USF3: variants seen among roughly 807,000 people sequenced by gnomAD.
The protein encoded by USF3 is upstream transcription factor family member 3.
Under a neutral mutation model 157.5 loss-of-function variants are expected in USF3, and 29 were observed. That is an observed-to-expected ratio of 0.18 (90% CI 0.14 to 0.25). USF3 has a LOEUF of 0.25. Among genes scored for constraint, USF3 ranks in the 10% least tolerant of loss-of-function variants. The pLI is 1.00. For missense variants in USF3, 2,381 were observed against 2,667.6 expected (o/e 0.89, Z 2.37); for synonymous variants, 893 against 941.4 (o/e 0.95, Z 0.94).
At chr3:113,681,653 C>T (rs1226752153) in intron 1 of USF3, among the ~76,000 whole-genome samples, 2 of 146,928 alleles carry the variant, frequency 1.4e-5, no homozygotes, top group African/African-American at 2.5e-5. Context: ...CCGCCTGCTT[C>T]GGCCTCCCAA....
intron 2 of USF3, among the ~76,000 whole-genome samples, chr3:113,676,795 C>T (rs966282559): frequency 1.3e-5 from 2 of 152,082 alleles, no homozygotes; most frequent in Non-Finnish European, 2.9e-5. Flanking sequence ...TCTGTTTCTG[C>T]CACTTCCTAG....
At position 113,655,245 on chromosome 3, in the gene USF3, C is replaced by T; in HGVS notation, c.6437G>A (p.Gly2146Glu). 6.2e-7 allele frequency: 1 copy of T among 1,614,128 alleles called. No homozygotes were observed. The highest frequency in any genetic ancestry group is 1.7e-5 in the Admixed American group (1 of 60,018). ...SNPSTEKVNSGSLNNRFGSIL... is the reference protein window; with the variant it reads ...SNPSTEKVNSESLNNRFGSIL... ...TGATCCAAATCGGTTATTTAAACTT[C>T]CACTGTTTACCTTCTCTGTGCTAGG... Residue 2146 changes from glycine to glutamate, a missense_variant, in exon 7 of 7, where the codon GGA (glycine) becomes GAA (glutamate). By Grantham distance (98) the Gly-to-Glu change is moderately conservative. This residue lies in a region of USF3 where 770 missense variants were observed against 824.2 expected (regional missense o/e 0.93). Transcript: ENST00000316407.
chr3:113,692,127 C>T (rs927353308), intron 1 of USF3, among the ~76,000 whole-genome samples: 3 of 152,110 alleles, frequency 2.0e-5, no homozygotes, highest in Non-Finnish European at 4.4e-5. Context: ...CTAATGCTGC[C>T]GCTGATCTGA....
chr3:113,676,892 T>G (rs990266011), intron 2 of USF3, among the ~76,000 whole-genome samples: 6 of 152,234 alleles, frequency 3.9e-5, no homozygotes, highest in African/African-American at 1.4e-4. Context: ...ATTACATTAT[T>G]GGATTGTTCC....
At position 113,668,462 on chromosome 3, in the gene USF3, C is replaced by CA. The variant is rs1250260399; in HGVS notation, c.159+1658dup. ...AATGAAAAAATTAATAGCTATCCCA[C>CA]AAAAAAAAAAAAAAGACAAATACTG... On this transcript the variant is annotated intron_variant, in intron 5 of 6. Transcript: ENST00000316407. 4.3e-3 allele frequency among the ~76,000 whole-genome samples: 538 copies of CA among 123,680 alleles called. 2 individuals are homozygous for CA. The highest frequency in any genetic ancestry group is 0.013 in the South Asian group (51 of 3,970). The allele number at this position is 123,680 out of a possible 152,430, so 81.1% of individuals were successfully genotyped here. A position where few individuals can be genotyped will look rare whatever the true frequency, so the allele number is the denominator to read the frequency against.
intron 4 of USF3, among the ~76,000 whole-genome samples, chr3:113,670,907 ATT>A (rs906014649): frequency 1.1e-4 from 16 of 150,248 alleles, no homozygotes; most frequent in African/African-American, 3.4e-4. Flanking sequence ...ATGCCCAACT[ATT>A]TTTTTTTGTA....
chr3:113,693,377 A>G (rs1707729873), intron 1 of USF3, among the ~76,000 whole-genome samples: 1 of 152,218 alleles, frequency 6.6e-6, no homozygotes, highest in African/African-American at 2.4e-5. Flanking sequence ...TACTTATGGC[A>G]GTGTGCTAAG....
rs1947350955 is a variant in USF3 at position 113,656,022 on chromosome 3, T to A, written c.5660A>T (p.Asn1887Ile). ...AATATTCAAGGTGCTGTTCCTGGTG[T>A]TAATTGCACCTAACGACATGTCACA... ...ESCDMSLGAINTRNSTLNIPF... is the reference protein window; with the variant it reads ...ESCDMSLGAIITRNSTLNIPF... The change falls in exon 7 of 7, where the codon AAC becomes ATC. Residue 1887 changes from asparagine to isoleucine, a missense_variant. Asn to Ile is a moderately radical substitution (Grantham distance 149, BLOSUM62 -3). Transcript: ENST00000316407. The A allele has an allele frequency of 6.2e-7, 1 of 1,614,212 alleles. No homozygotes were observed. Among genetic ancestry groups the A allele is most frequent in the Non-Finnish European group, 8.5e-7 (1 of 1,180,024 alleles).
chr3:113,679,041 C>CTCTCTCTCTCT (rs71134902), intron 1 of USF3, among the ~76,000 whole-genome samples: 2 of 151,526 alleles, frequency 1.3e-5, no homozygotes, highest in Non-Finnish European at 2.9e-5. Context: ...CTCTCTCTCT[C>CTCTCTCTCTCT]CAACTCCTGG....
rs751307151 is a variant in USF3 at position 113,653,548 on chromosome 3, A to T, written c.*1396T>A. On this transcript the variant is annotated 3_prime_UTR_variant, in exon 7 of 7. Transcript: ENST00000316407. The stretch of plus-strand genomic sequence containing the variant: ...AACCCGGGAGGTGGAGCTTGCAGTG[A>T]GCTGAGATCACGCCACTGCACTCCA... The T allele has an allele frequency of 3.4e-5, 5 of 147,756 alleles. No individual in the cohort carries two copies. The highest frequency in any genetic ancestry group is 5.9e-5 in the Non-Finnish European group (4 of 67,240). 9.2% of individuals were successfully genotyped at this position (147,756 alleles called of 1,614,324 possible). A position where few individuals can be genotyped will look rare whatever the true frequency, so the allele number is the denominator to read the frequency against.
In USF3 at chr3:113,660,191, T is replaced by G; in HGVS notation, c.1491A>C (p.Thr497=). ...TAGGTAAAGATGGACAAGAAGGCAA[T>G]GTTACAACTACTTGCTCAACTGGCT... ...DGQPVEQVVV[T]LPSCPSLPMQ... The change falls in exon 7 of 7, where the codon ACA becomes ACC. Residue 497 remains threonine, a synonymous_variant. Transcript: ENST00000316407. The G allele has an allele frequency of 1.2e-6, 2 of 1,614,170 alleles. No homozygotes were observed. The highest frequency in any genetic ancestry group is 1.7e-6 in the Non-Finnish European group (2 of 1,180,026).
chr3:113,657,629 G>A lies in USF3; in HGVS notation c.4053C>T (p.Pro1351=), dbSNP rs752645271. The change falls in exon 7 of 7, where the codon CCC becomes CCT. Residue 1351 remains proline (P), a synonymous_variant. Transcript: ENST00000316407. ...TCAGGGACATACTTTCAAGCCTGAGGGGGGCTGGCTGACAGTGCTTTTGAC... is the reference window on the plus strand; with the variant it reads ...TCAGGGACATACTTTCAAGCCTGAGAGGGGCTGGCTGACAGTGCTTTTGAC... ...AKRQKHCQPA[P]LRLESMSLMS... 5 of 1,614,192 alleles carry A rather than the reference G, an allele frequency of 3.1e-6. No individual in the cohort carries two copies. The South Asian group carries it at 4.4e-5, about 14-fold the overall frequency.
rs1329065947 is a variant in USF3, at chr3:113,661,100, A to G, written c.582T>C (p.Thr194=). The change falls in exon 7 of 7, where the codon ACT becomes ACC. Residue 194 remains threonine, a synonymous_variant. Transcript: ENST00000316407. ...GGTAAACTCCAGAAATAGATACAGG[A>G]GTCACAAGATTGCAAGTCCTCTGTA... The part of the protein sequence containing the change: ...VPVQRTCNLV[T]PVSISGVYPS... The G allele has an allele frequency of 3.1e-6, 5 of 1,614,202 alleles. No homozygotes were observed. The highest frequency in any genetic ancestry group is 3.4e-6 in the Non-Finnish European group (4 of 1,180,034).
rs773766557 is a variant in USF3 at position 113,660,651 on chromosome 3, C to T, written c.1031G>A (p.Cys344Tyr). The T allele has an allele frequency of 1.9e-6, 3 of 1,614,190 alleles. No individual in the cohort carries two copies. The highest frequency in any genetic ancestry group is 2.2e-5 in the South Asian group (2 of 91,084). ...TFVVSVTTTVCSQPPRTAGDS... is the reference protein window; with the variant it reads ...TFVVSVTTTVYSQPPRTAGDS... ...ACCTGCAGTTCTGGGAGGCTGCGAG[C>T]AGACTGTGGTGGTAACTGAAACAAC... The change falls in exon 7 of 7, where the codon TGC (cysteine) becomes TAC (tyrosine). Residue 344 changes from cysteine (C) to tyrosine (Y), a missense_variant. Coordinates refer to ENST00000316407, the MANE Select transcript of USF3 (RefSeq NM_001009899.4).
intron 1 of USF3, among the ~76,000 whole-genome samples, chr3:113,687,317 C>T (rs1405417417): frequency 2.0e-5 from 3 of 152,024 alleles, no homozygotes; most frequent in East Asian, 1.9e-4. Flanking sequence ...ACTCCAGGCT[C>T]ATCTTGTGTT....
At chr3:113,682,354 A>C (rs116183025) in intron 1 of USF3, among the ~76,000 whole-genome samples, 2,149 of 151,904 alleles carry the variant, frequency 0.014, 24 homozygotes, top group Middle Eastern at 0.037. Context: ...AACAAACAAA[A>C]AAAAAAAACA....
At chr3:113,693,341 T>C (rs1707728735) in intron 1 of USF3, among the ~76,000 whole-genome samples, 1 of 152,112 alleles carries the variant, frequency 6.6e-6, no homozygotes, top group Non-Finnish European at 1.5e-5. Flanking sequence ...TGGTTAGCAG[T>C]ATGGTGGGGA....
In USF3 at chr3:113,654,765, GT is replaced by G. The variant is rs1947322664; in HGVS notation, c.*178del. On this transcript the variant is annotated 3_prime_UTR_variant, in exon 7 of 7. Transcript: ENST00000316407. ...TGCAGTTGAAAACGAAAGATAACTT[GT>G]TTTCTGACAACCCAGTATCTGCATC... The G allele has an allele frequency of 1.7e-6, 1 of 599,280 alleles. No individual in the cohort carries two copies. Among genetic ancestry groups the G allele is most frequent in the Admixed American group, 3.5e-5 (1 of 28,342 alleles). The allele number at this position is 599,280 out of a possible 1,614,324, so 37.1% of individuals were successfully genotyped here.
intron 1 of USF3, among the ~76,000 whole-genome samples, chr3:113,680,944 G>A (rs1025553349): frequency 6.6e-6 from 1 of 151,684 alleles, no homozygotes; most frequent in Admixed American, 6.6e-5. Context: ...TTCTTAAGAT[G>A]TACTGTTAGG....
Sources: gnomAD v4.1 joint callset for allele counts (sites outside exome capture counted in the v4.1 genomes callset) on GRCh38, gnomAD v4.1.1 for gene constraint, gnomAD v4.1.1 regional missense constraint, MANE v1.5 for transcripts, NCBI Gene and HGNC (gene_info 2026-07-23, HGNC 2026-07-21) for gene names.